PTPRO: variants seen among roughly 807,000 people sequenced by gnomAD.
PTPRO encodes protein tyrosine phosphatase receptor type O.
Under a neutral mutation model 145.2 loss-of-function variants are expected in PTPRO, and 62 were observed. The observed-to-expected ratio is 0.43, with a 90% CI of 0.35 to 0.53. The LOEUF (loss-of-function observed/expected upper bound fraction) is 0.53, where lower values mean the gene tolerates loss of function less well. Ranked by LOEUF, PTPRO falls within the 20% of genes least tolerant of loss-of-function variation. The probability of loss-of-function intolerance (pLI) is 0.01; values close to 1 mark genes in which losing one functional copy is unlikely to be tolerated. For synonymous variants in PTPRO, 565 were observed against 514.7 expected (o/e 1.10, Z -1.32); for missense variants, 1,345 against 1,482.7 (o/e 0.91, Z 1.53).
chr12:15,370,196 G>A (rs1272654259), intron 1 of PTPRO, among the ~76,000 whole-genome samples: 9 of 152,052 alleles, frequency 5.9e-5, no homozygotes, highest in Admixed American at 5.9e-4. Flanking sequence ...AAACTAGTAC[G>A]TGCCTTTAGA....
chr12:15,506,007 G>A (rs1170083128), intron 6 of PTPRO, among the ~76,000 whole-genome samples: 2 of 152,116 alleles, frequency 1.3e-5, no homozygotes, highest in East Asian at 3.8e-4. Context: ...AGAAATTTCA[G>A]TGACTTCCCC....
At chr12:15,356,802 C>A (rs1938006011) in intron 1 of PTPRO, among the ~76,000 whole-genome samples, 1 of 152,066 alleles carries the variant, frequency 6.6e-6, no homozygotes, top group Non-Finnish European at 1.5e-5. Flanking sequence ...TATTCCTTTT[C>A]TTTTTATTTT....
Position 15,507,320 on chromosome 12 carries a change from G to A in PTPRO, c.1268-1251G>A, listed in dbSNP as rs1591663575. ...CCCAGCTACTCGGGAGGCTGAGGCA[G>A]GAGAATCGCTTGAACTCAGGAGGTG... On this transcript the variant is annotated intron_variant, in intron 6 of 26. Transcript: ENST00000281171. Among the ~76,000 whole-genome samples the A allele has an allele frequency of 1.3e-5, 2 of 152,044 alleles. 1 individual carries two copies. Among genetic ancestry groups the A allele is most frequent in the African/African-American group, 4.8e-5 (2 of 41,450 alleles).
chr12:15,462,079 C>T (rs984791733), intron 1 of PTPRO, among the ~76,000 whole-genome samples: 6 of 152,136 alleles, frequency 3.9e-5, no homozygotes, highest in African/African-American at 1.4e-4. Context: ...CCCCTCTTGC[C>T]TGAAATATAC....
At chr12:15,579,495 A>G (rs1485432955) in intron 20 of PTPRO, among the ~76,000 whole-genome samples, 1 of 152,264 alleles carries the variant, frequency 6.6e-6, no homozygotes, top group Non-Finnish European at 1.5e-5. Flanking sequence ...GAGAAGAGAA[A>G]GGCTGAAAAA....
intron 1 of PTPRO, among the ~76,000 whole-genome samples, chr12:15,380,023 T>C (rs1049015842): frequency 1.3e-5 from 2 of 152,162 alleles, no homozygotes. Context: ...TTTATGTTTA[T>C]TGCTTCCATG....
At position 15,501,677 on chromosome 12, in the gene PTPRO, G is replaced by A. The variant is rs1942224457; in HGVS notation, c.719G>A (p.Trp240Ter). The A allele has an allele frequency of 6.2e-7, 1 of 1,613,888 alleles. No individual in the cohort carries two copies. Among genetic ancestry groups the A allele is most frequent in the Non-Finnish European group, 8.5e-7 (1 of 1,179,924 alleles). Residue 240 changes from tryptophan (W) to a stop codon, truncating the protein, a stop_gained, in exon 5 of 27, where the codon TGG becomes TAG. Transcript: ENST00000281171. LOFTEE classifies it high-confidence loss of function. ...VRIVNLNKNNWEEQSGNFPEE... is the reference protein window; with the variant it reads ...VRIVNLNKNN ...ATCGTAAACTTGAACAAAAACAACT[G>A]GGAAGAACAGAGTGGCAATTTCCCA...
At chr12:15,455,497 C>G (rs962303839) in intron 1 of PTPRO, among the ~76,000 whole-genome samples, 1 of 152,100 alleles carries the variant, frequency 6.6e-6, no homozygotes, top group African/African-American at 2.4e-5. Flanking sequence ...ACACAGGACA[C>G]CTTTCCAATT....
At chr12:15,539,783 AAAAAAAAAAAAAGAATATAGTT>A (rs1205798410) in intron 12 of PTPRO, among the ~76,000 whole-genome samples, 1 of 149,760 alleles carries the variant, frequency 6.7e-6, no homozygotes, top group African/African-American at 2.4e-5. Context: ...AAAAAAAAAA[AAAAAAAAAAAAAGAATATAGTT>A]AAAAAGTAAT....
chr12:15,514,106 G>A (rs531569397), intron 7 of PTPRO, among the ~76,000 whole-genome samples: 10 of 152,098 alleles, frequency 6.6e-5, no homozygotes, highest in South Asian at 4.1e-4. Flanking sequence ...TCATCTATAC[G>A]TTCTCACTAT....
intron 1 of PTPRO, among the ~76,000 whole-genome samples, chr12:15,370,242 G>A (rs559468228): frequency 9.9e-5 from 15 of 152,148 alleles, no homozygotes; most frequent in African/African-American, 2.2e-4. Flanking sequence ...TTTCCTCCCT[G>A]TTGCTCTGCA....
chr12:15,504,158 A>C, intron 6 of PTPRO, 89 bp downstream of exon 6: 1 of 1,393,966 alleles, frequency 7.2e-7, no homozygotes, highest in Non-Finnish European at 1.0e-6. Context: ...TCAATTATTC[A>C]CAAACCTTAG....
intron 1 of PTPRO, among the ~76,000 whole-genome samples, chr12:15,411,027 A>G (rs1460130205): frequency 2.0e-5 from 3 of 152,192 alleles, no homozygotes; most frequent in African/African-American, 4.8e-5. Context: ...AATCTGAGGA[A>G]GCTATGAGAA....
chr12:15,580,217 C>A, intron 21 of PTPRO, 102 bp downstream of exon 21: 2 of 895,180 alleles, frequency 2.2e-6, no homozygotes, highest in Non-Finnish European at 3.6e-6. Context: ...GAGCCTTTCC[C>A]AACCCAGCAA....
At chr12:15,365,292 T>C (rs909464223) in intron 1 of PTPRO, among the ~76,000 whole-genome samples, 1 of 152,150 alleles carries the variant, frequency 6.6e-6, no homozygotes, top group Admixed American at 6.6e-5. Context: ...CCAATGTATG[T>C]AAGTGAGACT....
At chr12:15,575,477 C>A (rs1050217353) in intron 19 of PTPRO, among the ~76,000 whole-genome samples, 1 of 152,188 alleles carries the variant, frequency 6.6e-6, no homozygotes, top group Admixed American at 6.5e-5. Flanking sequence ...CTTGGACTTC[C>A]CAGCCTCCAG....
chr12:15,482,355 G>A (rs374450102), intron 1 of PTPRO, among the ~76,000 whole-genome samples: 13 of 152,080 alleles, frequency 8.5e-5, no homozygotes, highest in African/African-American at 2.9e-4. Flanking sequence ...TCTAGCAGAT[G>A]TCGTTACTAG....
Position 15,503,973 on chromosome 12 carries a change from C to G in PTPRO, c.1171C>G (p.Pro391Ala). Residue 391 changes from proline to alanine, a missense_variant, in exon 6 of 27, where the codon CCT becomes GCT. By Grantham distance (27) the Pro-to-Ala change is conservative. Around this residue, in one of 3 missense-constraint regions of PTPRO, gnomAD observed 1,130 missense variants for 1,214.7 expected, o/e 0.93. Transcript: ENST00000281171. Reference protein sequence around the residue: ...AHEFVAELKEPGKYKLSVTTF... With the variant: ...AHEFVAELKEAGKYKLSVTTF... ...TGAATTTGTTGCAGAACTGAAGGAACCTGGGAAATATAAGTTATCTGTGAC... is the reference window on the plus strand; with the variant it reads ...TGAATTTGTTGCAGAACTGAAGGAAGCTGGGAAATATAAGTTATCTGTGAC... The G allele has an allele frequency of 6.2e-7, 1 of 1,602,596 alleles. No individual in the cohort carries two copies. The highest frequency in any genetic ancestry group is 8.5e-7 in the Non-Finnish European group (1 of 1,169,850).
chr12:15,331,264 G>T (rs763519137), intron 1 of PTPRO, among the ~76,000 whole-genome samples: 1 of 152,090 alleles, frequency 6.6e-6, no homozygotes, highest in Non-Finnish European at 1.5e-5. Flanking sequence ...ATAAGCTAAG[G>T]TCTGGAAAAT....
Sources: gnomAD v4.1 joint callset for allele counts (sites outside exome capture counted in the v4.1 genomes callset) on GRCh38, gnomAD v4.1.1 for gene constraint, gnomAD v4.1.1 regional missense constraint, MANE v1.5 for transcripts, NCBI Gene and HGNC (gene_info 2026-07-23, HGNC 2026-07-21) for gene names.